The following VCAN variants were observed in gnomAD, a reference collection of about 807,000 sequenced individuals.
VCAN encodes versican.
Under a neutral mutation model 245.5 loss-of-function variants are expected in VCAN, and 44 were observed. That is an observed-to-expected ratio of 0.18 (90% CI 0.14 to 0.23). VCAN has a LOEUF of 0.23. VCAN is among the 10% of genes least tolerant of loss of function. The pLI, the probability that VCAN is intolerant of heterozygous loss-of-function variation, is 1.00. For missense variants in VCAN, 3,793 were observed against 4,057.9 expected, an observed-to-expected ratio of 0.93 and a Z score of 1.77; for synonymous variants, 1,413 against 1,437.0, an observed-to-expected ratio of 0.98 and a Z score of 0.38.
chr5:83,483,414 A>G, intron 1 of VCAN, 99 bp from the exon 2 acceptor site: 2 of 931,202 alleles, frequency 2.1e-6, no homozygotes, highest in East Asian at 2.5e-5. Context: ...AATGCTTAAT[A>G]CTACCCTTAT....
chr5:83,546,635 T>G (rs868765463), intron 9 of VCAN, among the ~76,000 whole-genome samples: 4 of 151,270 alleles, frequency 2.6e-5, no homozygotes, highest in South Asian at 2.1e-4. Flanking sequence ...CCCAGCTACT[T>G]GGGAGGCTGA....
At position 83,538,976 on chromosome 5, in the gene VCAN, C is replaced by T; in HGVS notation, c.5973C>T (p.Ser1991=). The T allele has an allele frequency of 1.2e-6, 2 of 1,613,994 alleles. No individual in the cohort carries two copies. The highest frequency in any genetic ancestry group is 1.7e-6 in the Non-Finnish European group (2 of 1,179,956). ...TATCTGACTCAGAAGGACCCAGTAG[C>T]ACCATGGTCAGCACTTCAGCCTTCC... The part of the protein sequence containing the change: ...SHISDSEGPS[S]TMVSTSAFPW... The change falls in exon 8 of 15, where the codon AGC becomes AGT. Residue 1991 remains serine, a synonymous_variant. Coordinates refer to ENST00000265077, the MANE Select transcript of VCAN (RefSeq NM_004385.5).
chr5:83,541,705 C>T lies in VCAN; in HGVS notation c.8702C>T (p.Ser2901Leu), dbSNP rs1485696903. 8.7e-6 allele frequency: 14 copies of T among 1,613,980 alleles called. No homozygotes were observed. Among genetic ancestry groups the T allele is most frequent in the Non-Finnish European group, 1.1e-5 (13 of 1,179,998 alleles). Residue 2901 changes from serine to leucine, a missense_variant, in exon 8 of 15, where the codon TCA becomes TTA. Coordinates refer to ENST00000265077, the MANE Select transcript of VCAN (RefSeq NM_004385.5). ...TCTCCTGACACAAAATTAGAACCTT[C>T]AGAAGATGATGGTAAACCTGAGTTA... ...SLSPDTKLEP[S>L]EDDGKPELLE...
chr5:83,482,549 A>G (rs1303532492), intron 1 of VCAN, among the ~76,000 whole-genome samples: 1 of 152,224 alleles, frequency 6.6e-6, no homozygotes, highest in African/African-American at 2.4e-5. Flanking sequence ...CATGGCTATT[A>G]TAGAATAGTT....
chr5:83,531,450 T>A (rs1325008629), intron 7 of VCAN: 2 of 152,162 alleles, frequency 1.3e-5, no homozygotes, highest in Non-Finnish European at 2.9e-5. Context: ...AATGTATATT[T>A]CTGGAGAGTA....
Position 83,565,390 on chromosome 5 carries a change from GGTGTGTGTGTGTGT to G in VCAN, c.9736-7003_9736-6990del, listed in dbSNP as rs6149088. Among the ~76,000 whole-genome samples the G allele has an allele frequency of 8.0e-4, 119 of 149,184 alleles. No homozygotes were observed. In the East Asian group the frequency reaches 9.7e-3, roughly 12 times the overall value. ...TGCCAAGAAGTATTGTATGTGTAAG[GGTGTGTGTGTGTGT>G]GTGTGTGTGTGTGTGTGTGTGTATG... On this transcript the variant is annotated intron_variant, in intron 12 of 14. Coordinates refer to ENST00000265077, the MANE Select transcript of VCAN (RefSeq NM_004385.5).
In VCAN at chr5:83,521,960, C is replaced by T. The variant is rs748857884; in HGVS notation, c.3654C>T (p.His1218=). ...CCTTCAGTTCAGTAGACAGACTTCA[C>T]ACAACTTCAGCATTCAAGCCATCTT... ...TTAFSSVDRL[H]TTSAFKPSSA... Residue 1218 remains histidine, a synonymous_variant, in exon 7 of 15, where the codon CAC becomes CAT. Coordinates refer to ENST00000265077, the MANE Select transcript of VCAN (RefSeq NM_004385.5). 6.2e-7 allele frequency: 1 copy of T among 1,614,182 alleles called. No individual in the cohort carries two copies. Among genetic ancestry groups the T allele is most frequent in the Admixed American group, 1.7e-5 (1 of 60,026 alleles).
At chr5:83,484,501 A>ATCCT (rs1391783707) in intron 2 of VCAN, among the ~76,000 whole-genome samples, 7 of 144,038 alleles carry the variant, frequency 4.9e-5, no homozygotes, top group Non-Finnish European at 3.0e-5. Flanking sequence ...TCATCCATCC[A>ATCCT]TCCATCCTTC....
intron 11 of VCAN, 119 bp downstream of exon 11, chr5:83,553,641 C>T (rs1404172213): frequency 2.2e-6 from 3 of 1,338,852 alleles, no homozygotes; most frequent in Admixed American, 2.0e-5. Flanking sequence ...TATCAAATCC[C>T]TCATCTGTGA....
Position 83,493,602 on chromosome 5 carries a change from G to A in VCAN, c.502G>A (p.Ala168Thr). ...TSRYTLNFEA[A>T]QKACLDVGAV... ...CAGGTACACACTGAATTTTGAGGCT[G>A]CTCAGAAGGCTTGTTTGGACGTTGG... The change falls in exon 4 of 15, where the codon GCT becomes ACT. Residue 168 changes from alanine to threonine, a missense_variant. Ala to Thr is a moderately conservative substitution (Grantham distance 58). Coordinates refer to ENST00000265077, the MANE Select transcript of VCAN (RefSeq NM_004385.5). 1 of 1,614,034 alleles carries A rather than the reference G, an allele frequency of 6.2e-7. No homozygotes were observed. The highest frequency in any genetic ancestry group is 8.5e-7 in the Non-Finnish European group (1 of 1,180,022).
chr5:83,494,447 A>G (rs993249397), intron 5 of VCAN, among the ~76,000 whole-genome samples: 1 of 152,190 alleles, frequency 6.6e-6, no homozygotes, highest in African/African-American at 2.4e-5. Context: ...AAACCAGTTA[A>G]CACATTAAAA....
intron 5 of VCAN, among the ~76,000 whole-genome samples, chr5:83,506,194 C>T (rs183166223): frequency 1.1e-4 from 17 of 152,282 alleles, no homozygotes; most frequent in Admixed American, 7.8e-4. Context: ...TTTCTGCAGC[C>T]GGCTTGAATT....
At position 83,538,043 on chromosome 5, in the gene VCAN, C is replaced by G. The variant is rs746936031; in HGVS notation, c.5040C>G (p.Ser1680Arg). Residue 1680 changes from serine (S) to arginine (R), a missense_variant, in exon 8 of 15, where the codon AGC (serine) becomes AGG (arginine). This residue lies in a region of VCAN where 3,182 missense variants were observed against 3,250.3 expected (regional missense o/e 0.98). Coordinates refer to ENST00000265077, the MANE Select transcript of VCAN (RefSeq NM_004385.5). The part of the protein sequence containing the change: ...TLDTSRIITE[S>R]FFEVPATTIY... ...ACACTAGCAGGATAATCACAGAAAG[C>G]TTTTTTGAGGTTCCTGCAACCACCA... 24 of 1,613,896 alleles carry G rather than the reference C, an allele frequency of 1.5e-5. No individual in the cohort carries two copies. Among genetic ancestry groups the G allele is most frequent in the Non-Finnish European group, 1.9e-5 (23 of 1,179,954 alleles).
chr5:83,493,242 C>T (rs183496849), intron 3 of VCAN, among the ~76,000 whole-genome samples: 7 of 152,236 alleles, frequency 4.6e-5, no homozygotes, highest in Admixed American at 1.3e-4. Flanking sequence ...CCCATGATTG[C>T]GTGAATACTG....
At chr5:83,559,585 C>G (rs533339189) in intron 12 of VCAN, among the ~76,000 whole-genome samples, 1 of 152,002 alleles carries the variant, frequency 6.6e-6, no homozygotes, top group Non-Finnish European at 1.5e-5. Flanking sequence ...AGTCAAATAC[C>G]CTGCATAGCC....
chr5:83,562,976 C>T (rs115842490), intron 12 of VCAN, among the ~76,000 whole-genome samples: 6 of 152,260 alleles, frequency 3.9e-5, no homozygotes, highest in Non-Finnish European at 8.8e-5. Flanking sequence ...GTCTTTCCCG[C>T]ACAGAGGTTT....
In VCAN at chr5:83,527,470, T is replaced by C. The variant is rs559679301; in HGVS notation, c.4003+5161T>C. Among the ~76,000 whole-genome samples, 12 of 152,340 alleles carry C rather than the reference T, an allele frequency of 7.9e-5. No homozygotes were observed. The East Asian group carries it at 1.9e-3, about 24-fold the overall frequency. ...GGACTGTCCCAAGTCTAGAAAAGAA[T>C]TGAGTTCCTCTTCTATTAGTCAAAT... On this transcript the variant is annotated intron_variant, in intron 7 of 14. Transcript: ENST00000265077.
At position 83,521,706 on chromosome 5, in the gene VCAN, C is replaced by T. The variant is rs1236126430; in HGVS notation, c.3400C>T (p.Pro1134Ser). 1.9e-6 allele frequency: 3 copies of T among 1,613,986 alleles called. No homozygotes were observed. In the Admixed American group the frequency reaches 5.0e-5, roughly 27 times the overall value. Residue 1134 changes from proline to serine, a missense_variant, in exon 7 of 15, where the codon CCA (proline) becomes TCA (serine). Physicochemically the swap from Pro to Ser is moderately conservative, Grantham distance 74. Coordinates refer to ENST00000265077, the MANE Select transcript of VCAN (RefSeq NM_004385.5). ...PRIGPKVSLSPGPEQKYETEG... is the reference protein window; with the variant it reads ...PRIGPKVSLSSGPEQKYETEG... ...CATTGGGCCAAAAGTATCTTTAAGT[C>T]CAGGGCCTGAACAAAAATATGAAAC...
chr5:83,567,514 C>G (rs1470476816), intron 12 of VCAN, among the ~76,000 whole-genome samples: 1 of 151,998 alleles, frequency 6.6e-6, no homozygotes, highest in Non-Finnish European at 1.5e-5. Flanking sequence ...GTTGGCCAGG[C>G]TGGTCTCGAA....
Sources: allele counts gnomAD v4.1 joint callset (sites outside exome capture counted in the v4.1 genomes callset), GRCh38; gene constraint gnomAD v4.1.1; regional missense constraint gnomAD v4.1.1; transcripts MANE v1.5; gene names NCBI Gene and HGNC (gene_info 2026-07-23, HGNC 2026-07-21).